HEG1: variants seen among roughly 807,000 people sequenced by gnomAD.
HEG1 encodes protein HEG homolog 1.
In HEG1, 56 loss-of-function variants were observed where a neutral mutation model predicts 125.6. The ratio of observed to expected loss-of-function variants is 0.45; its 90% CI spans 0.36 to 0.56. The LOEUF is 0.56. HEG1 is among the 20% of genes least tolerant of loss of function. The pLI is 0.00. For synonymous variants in HEG1, 644 were observed against 668.5 expected (o/e 0.96, Z 0.57); for missense variants, 1,523 against 1,670.0 (o/e 0.91, Z 1.53).
intron 3 of HEG1, among the ~76,000 whole-genome samples, chr3:125,026,981 CA>C (rs993706017): frequency 4.0e-5 from 6 of 151,698 alleles, no homozygotes; most frequent in African/African-American, 1.5e-4. Flanking sequence ...GCCTGGGCGA[CA>C]AAAAAAGAAA....
intron 12 of HEG1, among the ~76,000 whole-genome samples, chr3:124,996,656 A>G (rs990953830): frequency 6.6e-6 from 1 of 152,208 alleles, no homozygotes; most frequent in Non-Finnish European, 1.5e-5. Context: ...GAAGCTCAGG[A>G]TAAGAGTGCT....
chr3:124,982,549 A>G (rs1446876548), intron 14 of HEG1, among the ~76,000 whole-genome samples: 1 of 152,228 alleles, frequency 6.6e-6, no homozygotes, highest in Non-Finnish European at 1.5e-5. Flanking sequence ...GTCTTTCTCA[A>G]GCAATGGCTC....
chr3:125,013,418 CTG>C lies in HEG1; in HGVS notation c.2159_2160del (p.Pro720ArgfsTer52). On this transcript the variant is annotated frameshift_variant, in exon 6 of 17. Transcript: ENST00000311127. LOFTEE classifies it high-confidence loss of function. ...GCAGATGTAGATGTCGTTAAGGATA[CTG>C]GTAAAGGTGATGGTGAGGAAGACCA... ...TPWSSSPSPL[P>X]VSLTTSTSAP... is the part of the protein sequence containing the mutation. 1 of 1,613,846 alleles carries C rather than the reference CTG, an allele frequency of 6.2e-7. No homozygotes were observed. The highest frequency in any genetic ancestry group is 8.5e-7 in the Non-Finnish European group (1 of 1,179,864).
At chr3:125,018,167 G>A (rs1369297450) in intron 5 of HEG1, among the ~76,000 whole-genome samples, 3 of 152,224 alleles carry the variant, frequency 2.0e-5, no homozygotes, top group Admixed American at 1.3e-4. Context: ...TAAACAAAGT[G>A]TGGTATATCC....
chr3:125,001,842 G>T lies in HEG1; in HGVS notation c.3517+10C>A. On this transcript the variant is annotated intron_variant, in intron 11 of 16. Transcript: ENST00000311127. ...ATGGGTAGGATCCTCCCAGAGGGCTGCCCTCTTACCTCTAAAGATCCGCCT... is the reference window on the plus strand; with the variant it reads ...ATGGGTAGGATCCTCCCAGAGGGCTTCCCTCTTACCTCTAAAGATCCGCCT... The T allele has an allele frequency of 6.2e-7, 1 of 1,610,642 alleles. No homozygotes were observed. Among genetic ancestry groups the T allele is most frequent in the African/African-American group, 1.3e-5 (1 of 75,018 alleles).
At chr3:124,988,794 G>A (rs2107691223) in intron 14 of HEG1, among the ~76,000 whole-genome samples, 1 of 152,292 alleles carries the variant, frequency 6.6e-6, no homozygotes, top group Middle Eastern at 3.4e-3. Flanking sequence ...GTGCACACCT[G>A]TTGTCCCAGC....
chr3:124,971,417 C>T (rs1428700653), intron 16 of HEG1, among the ~76,000 whole-genome samples: 1 of 151,060 alleles, frequency 6.6e-6, no homozygotes, highest in Non-Finnish European at 1.5e-5. Flanking sequence ...TTTCCTCCTT[C>T]CTTTCCTTTC....
intron 3 of HEG1, among the ~76,000 whole-genome samples, chr3:125,022,393 C>CAGTGAGAG (rs1283679201): frequency 2.0e-5 from 2 of 98,672 alleles, no homozygotes; most frequent in African/African-American, 8.5e-5. Flanking sequence ...AGTATCACTA[C>CAGTGAGAG]AGCGAGAGAG....
chr3:125,052,468 G>C (rs1937835847), intron 1 of HEG1, among the ~76,000 whole-genome samples: 1 of 152,154 alleles, frequency 6.6e-6, no homozygotes, highest in African/African-American at 2.4e-5. Context: ...TGGCTGCTCA[G>C]CTACTCAGCG....
chr3:125,055,623 C>G lies in HEG1; in HGVS notation c.268G>C (p.Ala90Pro), dbSNP rs747010425. The stretch of plus-strand genomic sequence containing the variant: ...CGGCCGGAGGGTCCCCGCTGTGTCG[C>G]GGCGCCTGGCTCAGGGGCCCTGTAG... ...PSYRAPEPGA[A>P]TQRGPSGRAP... The change falls in exon 1 of 17, where the codon GCG (alanine) becomes CCG (proline). Residue 90 changes from alanine to proline, a missense_variant. Physicochemically the swap from Ala to Pro is conservative, Grantham distance 27 (BLOSUM62 -1). Coordinates refer to ENST00000311127, the MANE Select transcript of HEG1 (RefSeq NM_020733.2). 2.6e-4 allele frequency: 312 copies of G among 1,203,056 alleles called. No homozygotes were observed. Among genetic ancestry groups the G allele is most frequent in the Non-Finnish European group, 3.0e-4 (289 of 969,320 alleles). The allele number at this position is 1,203,056 out of a possible 1,614,324, so 74.5% of individuals were successfully genotyped here.
intron 7 of HEG1, 82 bp downstream of exon 7, chr3:125,010,357 C>G: frequency 1.3e-6 from 1 of 789,602 alleles, no homozygotes; most frequent in Non-Finnish European, 2.1e-6. Flanking sequence ...TATTTGTCCA[C>G]ATTTTGGAGG....
At chr3:125,049,943 A>G (rs928847658) in intron 1 of HEG1, among the ~76,000 whole-genome samples, 10 of 152,136 alleles carry the variant, frequency 6.6e-5, no homozygotes, top group Non-Finnish European at 5.9e-5. Context: ...AAACACCTTA[A>G]CAGGCCTCTA....
intron 1 of HEG1, among the ~76,000 whole-genome samples, chr3:125,037,158 A>G (rs1170460729): frequency 6.6e-6 from 1 of 152,262 alleles, no homozygotes; most frequent in Non-Finnish European, 1.5e-5. Context: ...CTCACACTAT[A>G]CTGTCAAATG....
Position 125,054,537 on chromosome 3 carries a change from T to A in HEG1, c.316+1038A>T, listed in dbSNP as rs1279389566. On this transcript the variant is annotated intron_variant, in intron 1 of 16. Coordinates refer to ENST00000311127, the MANE Select transcript of HEG1 (RefSeq NM_020733.2). ...AGAAACTTAAATGAATTGTCAATTA[T>A]GCAGACAAAAAACTCAACTTTCAGG... Among the ~76,000 whole-genome samples the A allele has an allele frequency of 7.2e-5, 11 of 152,228 alleles. No individual in the cohort carries two copies. In the East Asian group the frequency reaches 2.1e-3, roughly 29 times the overall value.
chr3:125,002,287 C>A lies in HEG1; in HGVS notation c.3326G>T (p.Ser1109Ile). 19 of 1,613,704 alleles carry A rather than the reference C, an allele frequency of 1.2e-5. No individual in the cohort carries two copies. Among genetic ancestry groups the A allele is most frequent in the Non-Finnish European group, 1.6e-5 (19 of 1,179,766 alleles). Residue 1109 changes from serine (S) to isoleucine (I), a missense_variant, in exon 10 of 17, where the codon AGT becomes ATT. Transcript: ENST00000311127. Reference sequence around the variant, plus strand: ...GGCGTGAACTGTAGATCGGATGTAACTAGGTAACGCTGAAAAACACATATT... The same window carrying A: ...GGCGTGAACTGTAGATCGGATGTAAATAGGTAACGCTGAAAAACACATATT... ...TLNMCFSALPSYIRSTVHASR... is the reference protein window; with the variant it reads ...TLNMCFSALPIYIRSTVHASR...
rs1021614083 is a variant in HEG1 at position 125,035,437 on chromosome 3, A to G, written c.317-5949T>C. ...CCAGAGGGGAAAAAAATGGCAAATC[A>G]TCTATACAAGGTGACAATTACAGCT... On this transcript the variant is annotated intron_variant, in intron 1 of 16. Transcript: ENST00000311127. Among the ~76,000 whole-genome samples the G allele has an allele frequency of 2.0e-5, 3 of 152,306 alleles. No homozygotes were observed. The South Asian group carries it at 6.2e-4, about 32-fold the overall frequency.
At chr3:124,994,081 A>G (rs1383428481) in intron 12 of HEG1, among the ~76,000 whole-genome samples, 1 of 152,110 alleles carries the variant, frequency 6.6e-6, no homozygotes, top group Non-Finnish European at 1.5e-5. Context: ...CATTTTTTCC[A>G]TGGACCAGCA....
At chr3:125,022,397 G>A (rs1215701924) in intron 3 of HEG1, among the ~76,000 whole-genome samples, 4 of 26,868 alleles carry the variant, frequency 1.5e-4, no homozygotes. Flanking sequence ...TCACTACAGC[G>A]AGAGAGAGAG....
chr3:125,032,077 T>C (rs1937508686), intron 1 of HEG1, among the ~76,000 whole-genome samples: 1 of 152,262 alleles, frequency 6.6e-6, no homozygotes, highest in Non-Finnish European at 1.5e-5. Context: ...TTTTTGGTGT[T>C]AAACATTTAA....
Sources: allele counts gnomAD v4.1 joint callset (sites outside exome capture counted in the v4.1 genomes callset), GRCh38; gene constraint gnomAD v4.1.1; transcripts MANE v1.5; gene names NCBI Gene and HGNC (gene_info 2026-07-23, HGNC 2026-07-21).